The following DPP10 variants were observed in gnomAD, a reference collection of about 807,000 sequenced individuals.
DPP10 encodes inactive dipeptidyl peptidase 10.
A neutral mutation model predicts 120.9 loss-of-function variants in DPP10; 33 were observed. That is an observed-to-expected ratio of 0.27 (90% CI 0.21 to 0.37). DPP10 has a LOEUF of 0.37. Among genes scored for constraint, DPP10 ranks in the 10% least tolerant of loss-of-function variants. The pLI is 1.00. For missense variants in DPP10, 816 were observed against 942.8 expected (o/e 0.87, Z 1.76); for synonymous variants, 337 against 326.1 (o/e 1.03, Z -0.36).
At chr2:114,503,966 G>A (rs1683418035) in intron 1 of DPP10, among the ~76,000 whole-genome samples, 2 of 152,164 alleles carry the variant, frequency 1.3e-5, no homozygotes, top group Non-Finnish European at 2.9e-5. Flanking sequence ...AAGTAGTAAA[G>A]AGCTTACCTT....
intron 1 of DPP10, among the ~76,000 whole-genome samples, chr2:115,008,799 A>C (rs1702047806): frequency 1.8e-5 from 1 of 56,848 alleles, no homozygotes; most frequent in African/African-American, 4.8e-5. Context: ...AAAAGAAGAC[A>C]TTTATGCAGC....
chr2:114,811,308 A>G (rs1168347197), intron 1 of DPP10, among the ~76,000 whole-genome samples: 1 of 152,142 alleles, frequency 6.6e-6, no homozygotes, highest in East Asian at 1.9e-4. Flanking sequence ...GAGGGAGGAG[A>G]TATGTCTGGG....
At chr2:114,631,042 CTGCAA>C (rs1422632237) in intron 1 of DPP10, among the ~76,000 whole-genome samples, 1 of 152,050 alleles carries the variant, frequency 6.6e-6, no homozygotes, top group Non-Finnish European at 1.5e-5. Flanking sequence ...CAAAGATTTG[CTGCAA>C]GGAAAACTGC....
chr2:115,300,884 C>T (rs938771403), intron 1 of DPP10, among the ~76,000 whole-genome samples: 1 of 151,910 alleles, frequency 6.6e-6, no homozygotes, highest in Non-Finnish European at 1.5e-5. Context: ...GGCTGGATTT[C>T]CCTGTTTCTT....
At chr2:115,618,656 G>T (rs78976708) in intron 5 of DPP10, among the ~76,000 whole-genome samples, 1 of 152,026 alleles carries the variant, frequency 6.6e-6, no homozygotes, top group South Asian at 2.1e-4. Context: ...ATACAAATCC[G>T]TTTATATGAT....
intron 3 of DPP10, among the ~76,000 whole-genome samples, chr2:115,427,896 C>A (rs1266741841): frequency 1.3e-5 from 2 of 152,132 alleles, no homozygotes; most frequent in African/African-American, 4.8e-5. Context: ...TAAGTCATTT[C>A]TTTGTTCCTG....
chr2:115,583,717 G>A (rs939778264), intron 5 of DPP10, among the ~76,000 whole-genome samples: 18 of 152,184 alleles, frequency 1.2e-4, no homozygotes, highest in African/African-American at 4.3e-4. Flanking sequence ...TCAGAGGAAA[G>A]AAGGAAAGAG....
chr2:114,443,150 G>A (rs1677752737), intron 1 of DPP10, among the ~76,000 whole-genome samples: 1 of 151,896 alleles, frequency 6.6e-6, no homozygotes, highest in Admixed American at 6.6e-5. Flanking sequence ...TTTCTTGATA[G>A]AACTGGGGAA....
chr2:115,428,694 C>T (rs2070703010), intron 3 of DPP10, among the ~76,000 whole-genome samples: 1 of 152,172 alleles, frequency 6.6e-6, no homozygotes, highest in Non-Finnish European at 1.5e-5. Flanking sequence ...ATGCTCGTTT[C>T]CCAGTGCCGT....
At position 115,162,338 on chromosome 2, in the gene DPP10, G is replaced by A. The variant is rs867775835; in HGVS notation, c.61-146901G>A. On this transcript the variant is annotated intron_variant, in intron 1 of 25. Transcript: ENST00000410059. Reference sequence around the variant, plus strand: ...CCACCGAGGGAGGGAGAGGCGGCCGGGACCAAGGAATGGGGCCTCTTGGTT... The same window carrying A: ...CCACCGAGGGAGGGAGAGGCGGCCGAGACCAAGGAATGGGGCCTCTTGGTT... 5 of 1,441,220 alleles carry A rather than the reference G, an allele frequency of 3.5e-6. No individual in the cohort carries two copies. In the South Asian group the frequency reaches 5.6e-5, roughly 16 times the overall value. The allele number at this position is 1,441,220 out of a possible 1,614,324, so 89.3% of individuals were successfully genotyped here. A position where few individuals can be genotyped will look rare whatever the true frequency, so the allele number is the denominator to read the frequency against.
intron 1 of DPP10, among the ~76,000 whole-genome samples, chr2:114,756,379 G>C (rs1679750243): frequency 6.6e-6 from 1 of 152,184 alleles, no homozygotes; most frequent in Non-Finnish European, 1.5e-5. Flanking sequence ...AGGGAATCAT[G>C]GAGATGATCC....
chr2:115,710,688 C>CT (rs2092288680), intron 7 of DPP10, among the ~76,000 whole-genome samples: 1 of 151,972 alleles, frequency 6.6e-6, no homozygotes, highest in African/African-American at 2.4e-5. Context: ...AATTTTTCAA[C>CT]TTTTTTCTAG....
In DPP10 at chr2:115,781,095, CTT is replaced by C; in HGVS notation, c.1483+101_1483+102del. 3 of 1,015,446 alleles carry C rather than the reference CTT, an allele frequency of 3.0e-6. 1 individual carries two copies. Among genetic ancestry groups the C allele is most frequent in the Non-Finnish European group, 4.0e-6 (3 of 742,048 alleles). 62.9% of individuals were successfully genotyped at this position (1,015,446 alleles called of 1,614,324 possible). A position where few individuals can be genotyped will look rare whatever the true frequency, so the allele number is the denominator to read the frequency against. ...CTATTACTCTAGATGATTTCATAATCTTAATTTATAAATTTTTGTTAATAGGA... is the reference window on the plus strand; with the variant it reads ...CTATTACTCTAGATGATTTCATAATCAATTTATAAATTTTTGTTAATAGGA... On this transcript the variant is annotated intron_variant, in intron 16 of 25. Transcript: ENST00000410059.
chr2:114,587,080 G>A (rs978648739), intron 1 of DPP10, among the ~76,000 whole-genome samples: 1 of 151,874 alleles, frequency 6.6e-6, no homozygotes, highest in African/African-American at 2.4e-5. Context: ...GGCAGATCAC[G>A]AGGTCAGGAG....
intron 1 of DPP10, among the ~76,000 whole-genome samples, chr2:114,678,221 G>A: frequency 6.6e-6 from 1 of 152,042 alleles, no homozygotes; most frequent in Admixed American, 6.6e-5. Flanking sequence ...TCTAATTGAT[G>A]ATAAAACCAT....
At chr2:114,559,190 C>A (rs1449698315) in intron 1 of DPP10, among the ~76,000 whole-genome samples, 1 of 152,128 alleles carries the variant, frequency 6.6e-6, no homozygotes, top group African/African-American at 2.4e-5. Context: ...AGGGATTTTG[C>A]AGATGTGACT....
intron 1 of DPP10, among the ~76,000 whole-genome samples, chr2:114,913,444 G>A (rs2106635619): frequency 6.6e-6 from 1 of 152,252 alleles, no homozygotes; most frequent in African/African-American, 2.4e-5. Flanking sequence ...CGTAAGACTG[G>A]TCCCAGTCCT....
chr2:114,934,987 T>C (rs962346112), intron 1 of DPP10, among the ~76,000 whole-genome samples: 2 of 152,208 alleles, frequency 1.3e-5, no homozygotes, highest in Non-Finnish European at 2.9e-5. Context: ...AAAAGATATT[T>C]ACTGAGCCTT....
At chr2:114,547,994 C>T (rs907629305) in intron 1 of DPP10, among the ~76,000 whole-genome samples, 1 of 152,128 alleles carries the variant, frequency 6.6e-6, no homozygotes, top group African/African-American at 2.4e-5. Flanking sequence ...AGCAGCCCCA[C>T]TGCAGGGACC....
Sources: gnomAD v4.1 joint callset for allele counts (sites outside exome capture counted in the v4.1 genomes callset) on GRCh38, gnomAD v4.1.1 for gene constraint, MANE v1.5 for transcripts, NCBI Gene and HGNC (gene_info 2026-07-23, HGNC 2026-07-21) for gene names.